The following PLCL2 variants were observed in gnomAD, a reference collection of about 807,000 sequenced individuals.
PLCL2 encodes the protein inactive phospholipase C-like protein 2.
In PLCL2, 4 loss-of-function variants were observed where a neutral mutation model predicts 79.6. The ratio of observed to expected loss-of-function variants is 0.05; its 90% CI spans 0.02 to 0.11. The LOEUF is 0.11. PLCL2 is among the 10% of genes least tolerant of loss of function. PLCL2 has a pLI of 1.00. For synonymous variants in PLCL2, 484 were observed against 457.7 expected (o/e 1.06, Z -0.73); for missense variants, 895 against 1,291.0 (o/e 0.69, Z 4.70).
intron 1 of PLCL2, among the ~76,000 whole-genome samples, chr3:17,002,370 A>G (rs915542976): frequency 2.6e-5 from 4 of 152,096 alleles, no homozygotes; most frequent in Non-Finnish European, 4.4e-5. Flanking sequence ...CTGTTGCCTA[A>G]TTACTCTGGC....
At chr3:16,956,268 C>A (rs1342500943) in intron 1 of PLCL2, among the ~76,000 whole-genome samples, 1 of 152,178 alleles carries the variant, frequency 6.6e-6, no homozygotes, top group Non-Finnish European at 1.5e-5. Context: ...AAGGCCTTTT[C>A]TGCATCTATT....
intron 1 of PLCL2, among the ~76,000 whole-genome samples, chr3:16,924,292 G>A (rs1697193448): frequency 6.6e-6 from 1 of 152,052 alleles, no homozygotes; most frequent in African/African-American, 2.4e-5. Flanking sequence ...TGTTGTTTTT[G>A]ATTTGGTTAG....
intron 1 of PLCL2, among the ~76,000 whole-genome samples, chr3:16,895,093 CAT>C (rs941034930): frequency 6.4e-4 from 91 of 142,538 alleles, no homozygotes; most frequent in African/African-American, 2.2e-3. Flanking sequence ...TATGTTGAAA[CAT>C]GTATCTATAT....
chr3:17,001,880 T>C (rs150454691), intron 1 of PLCL2, among the ~76,000 whole-genome samples: 44 of 152,072 alleles, frequency 2.9e-4, no homozygotes, highest in African/African-American at 1.0e-3. Flanking sequence ...TTTTTTTTTT[T>C]ACTTCTGTGC....
Position 17,047,858 on chromosome 3 carries a change from C to G in PLCL2, c.3094+4909C>G, listed in dbSNP as rs193295748. ...AAATTCCATCTCCTTTCATTAAACT[C>G]TCACTTCCTACTGCTTTGTACTGTA... On this transcript the variant is annotated intron_variant, in intron 4 of 5. Coordinates refer to ENST00000615277, the MANE Select transcript of PLCL2 (RefSeq NM_001144382.2). 1.2e-3 allele frequency among the ~76,000 whole-genome samples: 185 copies of G among 152,276 alleles called. 1 individual carries two copies. Among genetic ancestry groups the G allele is most frequent in the Middle Eastern group, 3.4e-3 (1 of 294 alleles).
chr3:17,038,795 C>CTGCTTTTGTGCTTTCTTCGGATT (rs2064687332), intron 3 of PLCL2, among the ~76,000 whole-genome samples: 1 of 152,178 alleles, frequency 6.6e-6, no homozygotes, highest in Non-Finnish European at 1.5e-5. Context: ...AAAATTTCCT[C>CTGCTTTTGTGCTTTCTTCGGATT]TGCTTTTGTG....
chr3:17,014,930 G>A lies in PLCL2; in HGVS notation c.3018+19G>A, dbSNP rs373985144. ...TGACATGGTGAGTTGTCCTTTGTCC[G>A]TTTACATAGCCTGGGTGAGAGAGAT... is the stretch of plus-strand genomic sequence containing the variant. On this transcript the variant is annotated intron_variant, in intron 3 of 5. Coordinates refer to ENST00000615277, the MANE Select transcript of PLCL2 (RefSeq NM_001144382.2). The A allele has an allele frequency of 3.5e-5, 55 of 1,591,578 alleles. No homozygotes were observed. Among genetic ancestry groups the A allele is most frequent in the Non-Finnish European group, 4.1e-5 (48 of 1,160,894 alleles).
chr3:16,946,869 A>G (rs2063604734), intron 1 of PLCL2, among the ~76,000 whole-genome samples: 1 of 151,658 alleles, frequency 6.6e-6, no homozygotes, highest in South Asian at 2.1e-4. Context: ...CCACCTTTTA[A>G]AAAGATAATC....
chr3:17,006,324 A>G (rs2064259919), intron 1 of PLCL2, among the ~76,000 whole-genome samples: 1 of 152,188 alleles, frequency 6.6e-6, no homozygotes, highest in South Asian at 2.1e-4. Flanking sequence ...GCCATTGAAC[A>G]CCAGTTCTCC....
At chr3:16,925,333 A>T (rs1048288819) in intron 1 of PLCL2, among the ~76,000 whole-genome samples, 2 of 152,050 alleles carry the variant, frequency 1.3e-5, no homozygotes, top group Non-Finnish European at 2.9e-5. Context: ...TAGCCAGTTC[A>T]AGTTATAAAC....
At chr3:17,050,769 A>G (rs2064831138) in intron 4 of PLCL2, among the ~76,000 whole-genome samples, 1 of 152,218 alleles carries the variant, frequency 6.6e-6, no homozygotes, top group African/African-American at 2.4e-5. Flanking sequence ...TAGAGCTACC[A>G]TATGATCGAG....
intron 4 of PLCL2, among the ~76,000 whole-genome samples, chr3:17,065,336 C>T (rs1433446932): frequency 1.3e-5 from 2 of 152,190 alleles, no homozygotes; most frequent in Non-Finnish European, 2.9e-5. Flanking sequence ...AACTCTGTTG[C>T]ATCTTCAAGT....
At chr3:16,918,233 A>G (rs1437145264) in intron 1 of PLCL2, among the ~76,000 whole-genome samples, 1 of 152,160 alleles carries the variant, frequency 6.6e-6, no homozygotes, top group African/African-American at 2.4e-5. Flanking sequence ...AGGCATTTAA[A>G]CCAGGAAGAC....
intron 4 of PLCL2, among the ~76,000 whole-genome samples, chr3:17,055,101 C>G (rs1158955854): frequency 6.6e-6 from 1 of 152,128 alleles, no homozygotes; most frequent in African/African-American, 2.4e-5. Context: ...TACAATGTTA[C>G]AGGACACATA....
intron 1 of PLCL2, among the ~76,000 whole-genome samples, chr3:16,919,371 G>A (rs1575528770): frequency 1.3e-5 from 2 of 151,954 alleles, no homozygotes; most frequent in African/African-American, 4.8e-5. Context: ...TGCATATGTA[G>A]TTTTGTTCCT....
chr3:17,036,466 A>G (rs2064656678), intron 3 of PLCL2, among the ~76,000 whole-genome samples: 4 of 152,214 alleles, frequency 2.6e-5, no homozygotes, highest in Admixed American at 2.6e-4. Context: ...TCAAATCCCG[A>G]TGTTTTAGAA....
chr3:17,053,462 A>G (rs2064862260), intron 4 of PLCL2, among the ~76,000 whole-genome samples: 1 of 152,192 alleles, frequency 6.6e-6, no homozygotes, highest in South Asian at 2.1e-4. Flanking sequence ...TTTCAACATT[A>G]GATTTGGGTG....
At chr3:16,949,490 T>C (rs2063631283) in intron 1 of PLCL2, among the ~76,000 whole-genome samples, 1 of 152,254 alleles carries the variant, frequency 6.6e-6, no homozygotes, top group Admixed American at 6.5e-5. Flanking sequence ...TTCTTATTGA[T>C]TAGTGGGCAT....
chr3:16,889,478 G>A (rs376509232), intron 1 of PLCL2, among the ~76,000 whole-genome samples: 3 of 152,336 alleles, frequency 2.0e-5, no homozygotes, highest in South Asian at 4.1e-4. Flanking sequence ...TTAGTCACCC[G>A]TTGTGGCTGC....
Sources: gnomAD v4.1 joint callset for allele counts (sites outside exome capture counted in the v4.1 genomes callset) on GRCh38, gnomAD v4.1.1 for gene constraint, MANE v1.5 for transcripts, NCBI Gene and HGNC (gene_info 2026-07-23, HGNC 2026-07-21) for gene names.